FBXL2: variants seen among roughly 807,000 people sequenced by gnomAD.
FBXL2 encodes the protein F-box/LRR-repeat protein 2.
In FBXL2, 38 loss-of-function variants were observed where a neutral mutation model predicts 69.2. The ratio of observed to expected loss-of-function variants is 0.55; its 90% CI spans 0.42 to 0.72. The LOEUF is 0.72. Ranked by LOEUF, FBXL2 falls within the 30% of genes least tolerant of loss-of-function variation. FBXL2 has a pLI of 0.00. For missense variants in FBXL2, 354 were observed against 520.3 expected (o/e 0.68, Z 3.11); for synonymous variants, 192 against 201.3 (o/e 0.95, Z 0.39).
At chr3:33,285,634 GT>G (rs2034529013) in intron 1 of FBXL2, among the ~76,000 whole-genome samples, 1 of 152,214 alleles carries the variant, frequency 6.6e-6, no homozygotes, top group African/African-American at 2.4e-5. Flanking sequence ...CCTGTAGAGT[GT>G]TTTCCAACTT....
the FBXL2 span, among the ~76,000 whole-genome samples, chr3:33,420,661 G>C: frequency 6.6e-6 from 1 of 152,106 alleles, no homozygotes; most frequent in Non-Finnish European, 1.5e-5. Flanking sequence ...GCTAATTTTT[G>C]TATTTTTAGT....
At chr3:33,320,626 G>T (rs567383564) in intron 2 of FBXL2, among the ~76,000 whole-genome samples, 1 of 151,850 alleles carries the variant, frequency 6.6e-6, no homozygotes, top group Non-Finnish European at 1.5e-5. Flanking sequence ...GACTACAGGC[G>T]TGCACGACCA....
intron 1 of FBXL2, among the ~76,000 whole-genome samples, chr3:33,296,115 G>T (rs1418686285): frequency 6.6e-6 from 1 of 152,060 alleles, no homozygotes; most frequent in Non-Finnish European, 1.5e-5. Context: ...ACCCAGGCTG[G>T]AGTGCAGTGG....
At position 33,375,324 on chromosome 3, in the gene FBXL2, G is replaced by A. The variant is rs766642973; in HGVS notation, c.694G>A (p.Gly232Ser). Residue 232 changes from glycine (G) to serine (S), a missense_variant, in exon 10 of 15, where the codon GGC becomes AGC. Coordinates refer to ENST00000484457, the MANE Select transcript of FBXL2 (RefSeq NM_012157.5). ...TDEGVVQICR[G>S]CHRLQALCLS... ...TGAAGGTGTGGTGCAGATATGCAGG[G>A]GCTGTCACCGGCTACAGGCTCTCTG... is the stretch of plus-strand genomic sequence containing the variant. 1 of 1,614,166 alleles carries A rather than the reference G, an allele frequency of 6.2e-7. No individual in the cohort carries two copies.
At chr3:33,377,428 T>G in intron 11 of FBXL2, 95 bp downstream of exon 11, 1 of 1,193,276 alleles carries the variant, frequency 8.4e-7, no homozygotes, top group Non-Finnish European at 1.2e-6. Flanking sequence ...AAGACTACCT[T>G]CAGAAAAGAC....
At chr3:33,361,492 C>T (rs1224803212) in intron 4 of FBXL2, among the ~76,000 whole-genome samples, 3 of 151,960 alleles carry the variant, frequency 2.0e-5, no homozygotes, top group Non-Finnish European at 4.4e-5. Flanking sequence ...GCCTGGGTGA[C>T]AGAGTGGGGC....
intron 2 of FBXL2, among the ~76,000 whole-genome samples, chr3:33,311,708 T>C (rs1309335178): frequency 6.6e-6 from 1 of 152,166 alleles, no homozygotes; most frequent in Non-Finnish European, 1.5e-5. Flanking sequence ...CACTGCAACC[T>C]CCGCCTCCCA....
At position 33,343,321 on chromosome 3, in the gene FBXL2, C is replaced by A. The variant is rs150825026; in HGVS notation, c.66-15646C>A. 2.0e-5 allele frequency among the ~76,000 whole-genome samples: 3 copies of A among 152,144 alleles called. No individual in the cohort carries two copies. The East Asian group carries it at 5.8e-4, about 29-fold the overall frequency. On this transcript the variant is annotated intron_variant, in intron 2 of 14. Coordinates refer to ENST00000484457, the MANE Select transcript of FBXL2 (RefSeq NM_012157.5). The stretch of plus-strand genomic sequence containing the variant: ...CTAAACTTGAACATATATGCAGACA[C>A]TTTTGGTATACTTTCTAATCTTAAG...
At chr3:33,373,401 G>T (rs765982182) in intron 7 of FBXL2, 46 bp downstream of exon 7, 2 of 1,542,612 alleles carry the variant, frequency 1.3e-6, no homozygotes, top group Non-Finnish European at 1.8e-6. Context: ...CCAAAGCTAT[G>T]AACATTCTGG....
chr3:33,403,934 A>AC (rs766599154), downstream of FBXL2, among the ~76,000 whole-genome samples: 15 of 152,116 alleles, frequency 9.9e-5, no homozygotes, highest in Non-Finnish European at 2.1e-4. Context: ...ATCACATCTA[A>AC]CTATAGCCCT....
At chr3:33,406,575 T>A (rs1437391380), downstream of FBXL2, among the ~76,000 whole-genome samples, 2 of 152,240 alleles carry the variant, frequency 1.3e-5, no homozygotes. Flanking sequence ...AAGCTTCAAG[T>A]TAGCATGGCA....
In FBXL2 at chr3:33,385,878, T is replaced by G. The variant is rs1276998062; in HGVS notation, c.*270T>G. 1.5e-5 allele frequency: 7 copies of G among 474,646 alleles called. No individual in the cohort carries two copies. Among genetic ancestry groups the G allele is most frequent in the Non-Finnish European group, 7.6e-6 (2 of 262,560 alleles). 29.4% of individuals were successfully genotyped at this position (474,646 alleles called of 1,614,324 possible). On this transcript the variant is annotated 3_prime_UTR_variant, in exon 15 of 15. Coordinates refer to ENST00000484457, the MANE Select transcript of FBXL2 (RefSeq NM_012157.5). ...GACCATGCCAGAAACCTGGATCTCTTAAGAGATTGGTACCTACCTAGGTAC... is the reference window on the plus strand; with the variant it reads ...GACCATGCCAGAAACCTGGATCTCTGAAGAGATTGGTACCTACCTAGGTAC...
intron 2 of FBXL2, among the ~76,000 whole-genome samples, chr3:33,353,159 A>G (rs895849993): frequency 2.6e-5 from 4 of 152,202 alleles, no homozygotes; most frequent in Non-Finnish European, 5.9e-5. Flanking sequence ...GAGCAACAGG[A>G]ACACTTATTC....
intron 2 of FBXL2, among the ~76,000 whole-genome samples, chr3:33,351,001 C>T (rs2040792089): frequency 6.6e-6 from 1 of 151,902 alleles, no homozygotes; most frequent in African/African-American, 2.4e-5. Flanking sequence ...CGTGGTAGCT[C>T]ACGCCTGTAA....
At chr3:33,371,354 A>G (rs2042295500) in intron 5 of FBXL2, among the ~76,000 whole-genome samples, 1 of 144,018 alleles carries the variant, frequency 6.9e-6, no homozygotes, top group Non-Finnish European at 1.5e-5. Flanking sequence ...TTTTTTTAGT[A>G]GAGACAGGGT....
At chr3:33,287,379 T>C (rs934679597) in intron 1 of FBXL2, among the ~76,000 whole-genome samples, 2 of 152,248 alleles carry the variant, frequency 1.3e-5, no homozygotes, top group African/African-American at 2.4e-5. Context: ...CTTTCTTTTA[T>C]AGAACCCATT....
chr3:33,279,333 CG>C (rs1196484191), intron 1 of FBXL2, among the ~76,000 whole-genome samples: 2 of 151,192 alleles, frequency 1.3e-5, no homozygotes, highest in Admixed American at 6.6e-5. Flanking sequence ...TGCAGTGGTG[CG>C]ATCTCGGCTC....
chr3:33,342,876 C>T (rs1462978827), intron 2 of FBXL2, among the ~76,000 whole-genome samples: 2 of 147,396 alleles, frequency 1.4e-5, no homozygotes, highest in African/African-American at 2.5e-5. Flanking sequence ...TACAGGCGCC[C>T]GCCACCACGC....
At chr3:33,406,813 A>G (rs554950409), downstream of FBXL2, among the ~76,000 whole-genome samples, 32 of 152,312 alleles carry the variant, frequency 2.1e-4, 1 homozygote, top group Middle Eastern at 3.4e-3. Context: ...TAGGCTGTAG[A>G]AATTGGCAGT....
Sources: gnomAD v4.1 joint callset for allele counts (sites outside exome capture counted in the v4.1 genomes callset) on GRCh38, gnomAD v4.1.1 for gene constraint, MANE v1.5 for transcripts, NCBI Gene and HGNC (gene_info 2026-07-23, HGNC 2026-07-21) for gene names.